Variants in CDK6 observed in about 807,000 individuals in gnomAD.
The protein encoded by CDK6 is cyclin dependent kinase 6.
A neutral mutation model predicts 37.1 loss-of-function variants in CDK6; 6 were observed. The ratio of observed to expected loss-of-function variants is 0.16; its 90% CI spans 0.09 to 0.32. The LOEUF is 0.32. CDK6 is among the 10% of genes least tolerant of loss of function. CDK6 has a pLI of 1.00. For missense variants in CDK6, 224 were observed against 418.9 expected (o/e 0.53, Z 4.06); for synonymous variants, 160 against 161.3 (o/e 0.99, Z 0.06).
chr7:92,670,663 T>C (rs1797052753), intron 5 of CDK6, among the ~76,000 whole-genome samples: 1 of 152,198 alleles, frequency 6.6e-6, no homozygotes, highest in African/African-American at 2.4e-5. Flanking sequence ...ACGAATCACA[T>C]GCTCTCTTAG....
chr7:92,712,159 C>CA (rs1422096624), intron 4 of CDK6, among the ~76,000 whole-genome samples: 8,431 of 128,952 alleles, frequency 0.065, 839 homozygotes, highest in African/African-American at 0.22. Flanking sequence ...GACTCCGTCC[C>CA]AAAAAAAAAA....
rs1799656304 is a variant in CDK6 at position 92,769,355 on chromosome 7, A to AT, written c.369+5340dup. 5.3e-5 allele frequency among the ~76,000 whole-genome samples: 8 copies of AT among 152,286 alleles called. No individual in the cohort carries two copies. In the South Asian group the frequency reaches 1.7e-3, roughly 32 times the overall value. On this transcript the variant is annotated intron_variant, in intron 3 of 7. Transcript: ENST00000424848. ...TCATAAAGATACATAAATAAAAAAAATTTTATTCCAAGATTGAATCATCAA... is the reference window on the plus strand; with the variant it reads ...TCATAAAGATACATAAATAAAAAAAATTTTTATTCCAAGATTGAATCATCAA...
chr7:92,801,643 TTCTC>T (rs562992702), intron 2 of CDK6, among the ~76,000 whole-genome samples: 127 of 151,780 alleles, frequency 8.4e-4, no homozygotes, highest in Non-Finnish European at 1.5e-3. Context: ...CTTCCCTCCC[TTCTC>T]TCTTTCTCTC....
intron 2 of CDK6, among the ~76,000 whole-genome samples, chr7:92,777,179 T>C (rs1039932934): frequency 6.6e-6 from 1 of 152,218 alleles, no homozygotes; most frequent in African/African-American, 2.4e-5. Flanking sequence ...CCATTTCTTG[T>C]TTTTGTCAGG....
At chr7:92,624,938 CCTTTT>C (rs1356442712) in intron 5 of CDK6, among the ~76,000 whole-genome samples, 1 of 151,894 alleles carries the variant, frequency 6.6e-6, no homozygotes, top group Non-Finnish European at 1.5e-5. Flanking sequence ...ATTCCCCTCT[CCTTTT>C]ATTTCTTTTT....
At chr7:92,683,757 A>G (rs1245095556) in intron 4 of CDK6, among the ~76,000 whole-genome samples, 2 of 152,208 alleles carry the variant, frequency 1.3e-5, no homozygotes, top group East Asian at 3.9e-4. Context: ...ATTAAAGGAA[A>G]GACATAAAGA....
intron 4 of CDK6, among the ~76,000 whole-genome samples, chr7:92,717,395 GA>G (rs1245628277): frequency 8.2e-6 from 1 of 121,962 alleles, no homozygotes; most frequent in Admixed American, 9.4e-5. Flanking sequence ...GAAAGGAAAG[GA>G]AAAAGGAAGG....
chr7:92,719,107 C>T (rs570567861), intron 4 of CDK6, among the ~76,000 whole-genome samples: 1 of 152,158 alleles, frequency 6.6e-6, no homozygotes, highest in African/African-American at 2.4e-5. Context: ...ATCAGAGGCA[C>T]AGGAAGGGGA....
At chr7:92,736,247 A>T (rs1798784788) in intron 3 of CDK6, among the ~76,000 whole-genome samples, 1 of 152,160 alleles carries the variant, frequency 6.6e-6, no homozygotes. Flanking sequence ...ATGCTTAAGC[A>T]CTTTATTTAT....
chr7:92,719,187 T>C (rs1798307617), intron 4 of CDK6, among the ~76,000 whole-genome samples: 1 of 152,152 alleles, frequency 6.6e-6, no homozygotes, highest in Non-Finnish European at 1.5e-5. Context: ...GTTTGTTACA[T>C]AGGTAAACGT....
chr7:92,635,472 C>T (rs1402360579), intron 5 of CDK6, among the ~76,000 whole-genome samples: 1 of 152,184 alleles, frequency 6.6e-6, no homozygotes, highest in Non-Finnish European at 1.5e-5. Flanking sequence ...CAGCTTCTGT[C>T]GTACTCCATA....
chr7:92,728,122 G>C (rs987988155), intron 3 of CDK6, among the ~76,000 whole-genome samples: 1 of 152,240 alleles, frequency 6.6e-6, no homozygotes, highest in East Asian at 1.9e-4. Flanking sequence ...GTTTTTATTT[G>C]TGTTATAACA....
chr7:92,672,275 G>C (rs927646493), intron 4 of CDK6, among the ~76,000 whole-genome samples: 2 of 144,370 alleles, frequency 1.4e-5, no homozygotes, highest in Non-Finnish European at 3.0e-5. Flanking sequence ...CTGCTGGATG[G>C]TGTCCCTGAA....
chr7:92,656,533 T>C (rs1029805222), intron 5 of CDK6, among the ~76,000 whole-genome samples: 11 of 152,364 alleles, frequency 7.2e-5, no homozygotes, highest in African/African-American at 2.6e-4. Flanking sequence ...AATCTACATT[T>C]ACCTGAAGTT....
chr7:92,607,474 A>G lies in CDK6; in HGVS notation c.*7666T>C, dbSNP rs774883750. The G allele has an allele frequency of 3.4e-5, 8 of 232,906 alleles. No homozygotes were observed. The highest frequency in any genetic ancestry group is 5.6e-5 in the Admixed American group (1 of 17,770). The allele number at this position is 232,906 out of a possible 1,614,324, so 14.4% of individuals were successfully genotyped here. ...CTTTACATAATGATAAAACACCTAGATACCCAAAATACTACATCTATATAT... is the reference window on the plus strand; with the variant it reads ...CTTTACATAATGATAAAACACCTAGGTACCCAAAATACTACATCTATATAT... On this transcript the variant is annotated 3_prime_UTR_variant, in exon 8 of 8. Coordinates refer to ENST00000424848, the MANE Select transcript of CDK6 (RefSeq NM_001145306.2).
intron 3 of CDK6, among the ~76,000 whole-genome samples, chr7:92,755,478 A>C (rs1033615340): frequency 6.6e-6 from 1 of 152,122 alleles, no homozygotes; most frequent in South Asian, 2.1e-4. Context: ...CCAAGACCTC[A>C]CATGAAACAT....
rs1056588850 is a variant in CDK6 at position 92,746,355 on chromosome 7, A to G, written c.370-20562T>C. 5.3e-5 allele frequency among the ~76,000 whole-genome samples: 8 copies of G among 152,322 alleles called. No homozygotes were observed. In the East Asian group the frequency reaches 7.7e-4, roughly 15 times the overall value. Reference sequence around the variant, plus strand: ...CTCCAAAATGCTTTAAAGGCAAAGCATCCCTAATCTGAAAATCCAAAATCC... The same window carrying G: ...CTCCAAAATGCTTTAAAGGCAAAGCGTCCCTAATCTGAAAATCCAAAATCC... On this transcript the variant is annotated intron_variant, in intron 3 of 7. Transcript: ENST00000424848.
intron 4 of CDK6, among the ~76,000 whole-genome samples, chr7:92,707,787 T>C (rs1367346359): frequency 6.6e-6 from 1 of 152,234 alleles, no homozygotes; most frequent in Non-Finnish European, 1.5e-5. Flanking sequence ...TTTTAAATTC[T>C]GCTGTCTTCC....
chr7:92,741,541 T>C (rs1049122225), intron 3 of CDK6, among the ~76,000 whole-genome samples: 4 of 152,204 alleles, frequency 2.6e-5, no homozygotes, highest in African/African-American at 4.8e-5. Flanking sequence ...AGTTAAAGAT[T>C]GCTACCTCTG....
Sources: allele counts gnomAD v4.1 joint callset (sites outside exome capture counted in the v4.1 genomes callset), GRCh38; gene constraint gnomAD v4.1.1; transcripts MANE v1.5; gene names NCBI Gene and HGNC (gene_info 2026-07-23, HGNC 2026-07-21).